Variants in NAA11 observed in about 807,000 individuals in gnomAD.
The protein encoded by NAA11 is N-alpha-acetyltransferase 11, NatA catalytic subunit.
In NAA11, 15 loss-of-function variants were observed where a neutral mutation model predicts 16.1. The ratio of observed to expected loss-of-function variants is 0.93; its 90% confidence interval spans 0.62 to 1.44. The LOEUF (loss-of-function observed/expected upper bound fraction) is 1.44, where lower values mean the gene tolerates loss of function less well. Among genes scored for constraint, NAA11 ranks in the 40% most tolerant of loss-of-function variants. The pLI, the probability that NAA11 is intolerant of heterozygous loss-of-function variation, is 0.00. For missense variants in NAA11, 298 were observed against 291.3 expected (o/e 1.02, Z -0.17); for synonymous variants, 122 against 112.4 (o/e 1.09, Z -0.54).
chr4:79,277,758 T>G (rs1021317491), intron 2 of NAA11, among the ~76,000 whole-genome samples: 1 of 151,966 alleles, frequency 6.6e-6, no homozygotes, highest in African/African-American at 2.4e-5. Context: ...CGGAATTAGT[T>G]TAGCCTGTGC....
At chr4:79,200,711 A>G in the NAA11 span, among the ~76,000 whole-genome samples, 1 of 151,768 alleles carries the variant, frequency 6.6e-6, no homozygotes, top group Non-Finnish European at 1.5e-5. Context: ...TTAATTATAA[A>G]TTGAGTTTTC....
the NAA11 span, among the ~76,000 whole-genome samples, chr4:79,219,356 CCAGATGA>C: frequency 6.6e-6 from 1 of 152,102 alleles, no homozygotes; most frequent in South Asian, 2.1e-4. Flanking sequence ...CTAATTGATA[CCAGATGA>C]CAGCTCAAAT....
chr4:79,228,791 T>A (rs1270031519), intron 2 of NAA11, among the ~76,000 whole-genome samples: 1 of 152,080 alleles, frequency 6.6e-6, no homozygotes, highest in African/African-American at 2.4e-5. Context: ...ATTTTTTGTA[T>A]AAACATCAGT....
At chr4:79,194,880 A>G in the NAA11 span, among the ~76,000 whole-genome samples, 7 of 152,096 alleles carry the variant, frequency 4.6e-5, no homozygotes, top group Admixed American at 6.6e-5. Flanking sequence ...GTAGTTAAGT[A>G]ACTTGCTCAG....
intron 2 of NAA11, among the ~76,000 whole-genome samples, chr4:79,230,229 A>T (rs911802969): frequency 2.0e-5 from 3 of 151,602 alleles, no homozygotes; most frequent in Admixed American, 6.6e-5. Flanking sequence ...AACAATGAGA[A>T]CACATGGACA....
intron 2 of NAA11, among the ~76,000 whole-genome samples, chr4:79,287,295 C>A (rs907798480): frequency 1.1e-4 from 17 of 152,028 alleles, no homozygotes; most frequent in African/African-American, 4.1e-4. Flanking sequence ...CATCTATGGA[C>A]TCATTAGTAT....
At chr4:79,166,025 C>G in the NAA11 span, among the ~76,000 whole-genome samples, 2 of 152,080 alleles carry the variant, frequency 1.3e-5, no homozygotes, top group African/African-American at 4.8e-5. Flanking sequence ...TTGAGGAAAG[C>G]TGTTATTTTA....
At chr4:79,310,164 T>C (rs896207131) in intron 1 of NAA11, among the ~76,000 whole-genome samples, 4 of 152,148 alleles carry the variant, frequency 2.6e-5, no homozygotes, top group African/African-American at 9.7e-5. Flanking sequence ...AATTAGAGAA[T>C]GGAGAAAAAA....
At chr4:79,323,498 A>C (rs1724163330) in intron 1 of NAA11, among the ~76,000 whole-genome samples, 1 of 152,004 alleles carries the variant, frequency 6.6e-6, no homozygotes, top group Non-Finnish European at 1.5e-5. Flanking sequence ...CAGCCTGGCC[A>C]ATATGCTGAA....
intron 2 of NAA11, among the ~76,000 whole-genome samples, chr4:79,286,231 A>C (rs1304151806): frequency 2.0e-5 from 3 of 152,076 alleles, no homozygotes; most frequent in African/African-American, 7.2e-5. Flanking sequence ...AAATCATCCT[A>C]ATATACACAC....
intron 2 of NAA11, among the ~76,000 whole-genome samples, chr4:79,277,008 T>G (rs906192294): frequency 1.3e-5 from 2 of 152,132 alleles, no homozygotes; most frequent in African/African-American, 4.8e-5. Flanking sequence ...GCCAGATGGC[T>G]TGGGAAAATA....
chr4:79,250,396 T>C (rs1235322886), intron 2 of NAA11, among the ~76,000 whole-genome samples: 1 of 152,206 alleles, frequency 6.6e-6, no homozygotes, highest in African/African-American at 2.4e-5. Context: ...GGCAGCAGAC[T>C]GGAGACCGCC....
the NAA11 span, among the ~76,000 whole-genome samples, chr4:79,204,164 T>C: frequency 6.6e-6 from 1 of 151,850 alleles, no homozygotes; most frequent in African/African-American, 2.4e-5. Flanking sequence ...AGAAATATGG[T>C]ATCAGGAAAT....
At chr4:79,167,900 C>T in the NAA11 span, among the ~76,000 whole-genome samples, 7 of 151,778 alleles carry the variant, frequency 4.6e-5, no homozygotes, top group South Asian at 2.1e-4. Flanking sequence ...ACTTTAAGTT[C>T]GGGGATACAT....
the NAA11 span, among the ~76,000 whole-genome samples, chr4:79,213,542 T>C: frequency 7.3e-6 from 1 of 136,836 alleles, no homozygotes; most frequent in Admixed American, 7.8e-5. Context: ...TTTTACATTT[T>C]ATATGACTCA....
intron 1 of NAA11, among the ~76,000 whole-genome samples, chr4:79,302,872 C>T (rs1723432699): frequency 6.6e-6 from 1 of 151,784 alleles, no homozygotes; most frequent in Non-Finnish European, 1.5e-5. Context: ...GAAGGAGCTT[C>T]CCTGCTGGCC....
intron 2 of NAA11, among the ~76,000 whole-genome samples, chr4:79,248,576 C>T (rs1358933337): frequency 6.6e-6 from 1 of 152,172 alleles, no homozygotes; most frequent in African/African-American, 2.4e-5. Context: ...TCTAGCACCA[C>T]TTTCACCAGT....
the NAA11 span, among the ~76,000 whole-genome samples, chr4:79,157,541 A>G: frequency 6.6e-6 from 1 of 151,882 alleles, no homozygotes; most frequent in African/African-American, 2.4e-5. Context: ...GCATGTATAT[A>G]TACACATGTA....
chr4:79,298,705 C>A (rs1246119081), intron 1 of NAA11, among the ~76,000 whole-genome samples: 1 of 152,218 alleles, frequency 6.6e-6, no homozygotes, highest in African/African-American at 2.4e-5. Flanking sequence ...GGATACACGC[C>A]CTTGGCAAGC....
Sources: allele counts gnomAD v4.1 joint callset (sites outside exome capture counted in the v4.1 genomes callset), GRCh38; gene constraint gnomAD v4.1.1; transcripts MANE v1.5; gene names NCBI Gene and HGNC (gene_info 2026-07-23, HGNC 2026-07-21).